The following CNTN1 variants were observed in gnomAD, a reference collection of about 807,000 sequenced individuals.
CNTN1 encodes contactin-1.
In CNTN1, 38 loss-of-function variants were observed where a neutral mutation model predicts 126.4. The ratio of observed to expected loss-of-function variants is 0.30; its 90% CI spans 0.23 to 0.39. The LOEUF is 0.39. Ranked by LOEUF, CNTN1 falls within the 10% of genes least tolerant of loss-of-function variation. CNTN1 has a pLI of 1.00. For missense variants in CNTN1, 1,009 were observed against 1,248.4 expected, an observed-to-expected ratio of 0.81 and a Z score of 2.89; for synonymous variants, 413 against 422.6, an observed-to-expected ratio of 0.98 and a Z score of 0.28.
chr12:41,001,440 TA>T (rs1948357912), intron 17 of CNTN1, among the ~76,000 whole-genome samples: 3 of 152,194 alleles, frequency 2.0e-5, no homozygotes, highest in Admixed American at 1.3e-4. Flanking sequence ...GCCCACTTTT[TA>T]ATGGGGTTGT....
At chr12:40,886,708 A>G (rs562897110) in intron 1 of CNTN1, among the ~76,000 whole-genome samples, 6 of 152,238 alleles carry the variant, frequency 3.9e-5, no homozygotes, top group African/African-American at 1.4e-4. Flanking sequence ...TAGGTCTAAC[A>G]TGTAAGTCTT....
Position 40,767,163 on chromosome 12 carries a change from C to G in CNTN1, c.-77+74571C>G, listed in dbSNP as rs555779263. On this transcript the variant is annotated intron_variant, in intron 1 of 23. Transcript: ENST00000551295. ...GATCAAGGAGAGTATTTAGAAATTT[C>G]AAATTTCCAATTTATTTTACATAGT... Among the ~76,000 whole-genome samples, 9 of 152,048 alleles carry G rather than the reference C, an allele frequency of 5.9e-5. No homozygotes were observed. The East Asian group carries it at 1.7e-3, about 29-fold the overall frequency.
Position 40,939,243 on chromosome 12 carries a change from C to T in CNTN1, c.1229-92C>T, listed in dbSNP as rs35617364. The T allele has an allele frequency of 0.043, 57,376 of 1,339,668 alleles. 1,442 individuals carry two copies. The highest frequency in any genetic ancestry group is 0.096 in the Middle Eastern group (499 of 5,182). 83.0% of individuals were successfully genotyped at this position (1,339,668 alleles called of 1,614,324 possible). A position where few individuals can be genotyped will look rare whatever the true frequency, so the allele number is the denominator to read the frequency against. On this transcript the variant is annotated intron_variant, in intron 11 of 23. Coordinates refer to ENST00000551295, the MANE Select transcript of CNTN1 (RefSeq NM_001843.4). ...TACCGAGATTAATCCTTTCCATTAACTATTAAGGAGAATAAAAGATTCTAC... is the reference window on the plus strand; with the variant it reads ...TACCGAGATTAATCCTTTCCATTAATTATTAAGGAGAATAAAAGATTCTAC...
intron 23 of CNTN1, chr12:41,061,839 TTC>T (rs1566244968): frequency 4.4e-6 from 2 of 455,630 alleles, no homozygotes; most frequent in Middle Eastern, 3.3e-4. Context: ...AGCCCAAATA[TTC>T]TCTGTTGCTA....
rs553905664 is a variant in CNTN1 at position 40,836,108 on chromosome 12, A to T, written c.-76-72249A>T. Among the ~76,000 whole-genome samples, 237 of 147,444 alleles carry T rather than the reference A, an allele frequency of 1.6e-3. 2 individuals carry two copies. The highest frequency in any genetic ancestry group is 4.7e-3 in the African/African-American group (190 of 40,016). On this transcript the variant is annotated intron_variant, in intron 1 of 23. Transcript: ENST00000551295. The stretch of plus-strand genomic sequence containing the variant: ...TATACAGGTATATATATACGTACAT[A>T]TACAGGTATATATATACGTACATAT...
At chr12:40,765,561 T>C (rs568687147) in intron 1 of CNTN1, among the ~76,000 whole-genome samples, 22 of 152,296 alleles carry the variant, frequency 1.4e-4, no homozygotes, top group African/African-American at 5.1e-4. Flanking sequence ...ATAAGTTTGG[T>C]TAACAGAGTC....
At chr12:40,803,046 A>G (rs1940714351) in intron 1 of CNTN1, among the ~76,000 whole-genome samples, 1 of 152,132 alleles carries the variant, frequency 6.6e-6, no homozygotes, top group Admixed American at 6.6e-5. Flanking sequence ...ATTTCCATTG[A>G]AAGCTCTGCT....
intron 1 of CNTN1, among the ~76,000 whole-genome samples, chr12:40,848,421 T>TG (rs1942596065): frequency 6.6e-6 from 1 of 152,196 alleles, no homozygotes; most frequent in Non-Finnish European, 1.5e-5. Context: ...AAAGCTTTAT[T>TG]GACTATGTAA....
intron 1 of CNTN1, among the ~76,000 whole-genome samples, chr12:40,818,872 TTTGTTG>T (rs1239691996): frequency 2.6e-5 from 4 of 152,160 alleles, no homozygotes; most frequent in African/African-American, 9.7e-5. Flanking sequence ...CCTTTTTGTT[TTTGTTG>T]TTGATGCTAT....
In CNTN1 at chr12:40,724,448, A is replaced by G. The variant is rs1433864521; in HGVS notation, c.-77+31856A>G. On this transcript the variant is annotated intron_variant, in intron 1 of 23. Coordinates refer to ENST00000551295, the MANE Select transcript of CNTN1 (RefSeq NM_001843.4). ...AGATCCTGTCTTGACTTCCAACACA[A>G]CTTAATTTCTGTCTGCCACTATCCT... 2.6e-5 allele frequency among the ~76,000 whole-genome samples: 4 copies of G among 152,204 alleles called. No individual in the cohort carries two copies. The East Asian group carries it at 7.7e-4, about 29-fold the overall frequency.
intron 1 of CNTN1, among the ~76,000 whole-genome samples, chr12:40,847,860 G>A (rs1942570153): frequency 6.6e-6 from 1 of 152,200 alleles, no homozygotes; most frequent in African/African-American, 2.4e-5. Context: ...GGTGAGGATG[G>A]TTTTGGGATG....
intron 6 of CNTN1, among the ~76,000 whole-genome samples, chr12:40,929,530 C>T (rs1039234404): frequency 2.0e-5 from 3 of 151,620 alleles, no homozygotes. Context: ...TTCACTTAGC[C>T]CATCAATGAA....
chr12:40,971,479 T>A, intron 15 of CNTN1: 1 of 1,596,692 alleles, frequency 6.3e-7, no homozygotes, highest in Non-Finnish European at 8.5e-7. Context: ...GATTCCTTTC[T>A]CCCCGTCTGT....
At chr12:40,890,726 T>C (rs115638507) in intron 1 of CNTN1, among the ~76,000 whole-genome samples, 248 of 152,326 alleles carry the variant, frequency 1.6e-3, no homozygotes, top group African/African-American at 5.1e-3. Flanking sequence ...GGCCTCGTTG[T>C]ACCACAGGTT....
At position 40,844,069 on chromosome 12, in the gene CNTN1, A is replaced by ATTTTTTTTTTTTTTT. The variant is rs397957366; in HGVS notation, c.-76-64286_-76-64272dup. Among the ~76,000 whole-genome samples, 71 of 84,624 alleles carry ATTTTTTTTTTTTTTT rather than the reference A, an allele frequency of 8.4e-4. 14 individuals are homozygous for ATTTTTTTTTTTTTTT. Among genetic ancestry groups the ATTTTTTTTTTTTTTT allele is most frequent in the African/African-American group, 1.5e-3 (38 of 24,718 alleles). The allele number at this position is 84,624 out of a possible 152,430, so 55.5% of individuals were successfully genotyped here. A position where few individuals can be genotyped will look rare whatever the true frequency, so the allele number is the denominator to read the frequency against. On this transcript the variant is annotated intron_variant, in intron 1 of 23. Coordinates refer to ENST00000551295, the MANE Select transcript of CNTN1 (RefSeq NM_001843.4). ...ATTGAAAAAATTCTTTGGCACAATG[A>ATTTTTTTTTTTTTTT]TTTTTTTTTTTTTTTTGAGACGGAG...
At chr12:40,836,518 G>GA (rs1942066192) in intron 1 of CNTN1, among the ~76,000 whole-genome samples, 1 of 151,790 alleles carries the variant, frequency 6.6e-6, no homozygotes, top group Admixed American at 6.6e-5. Context: ...ACAGTCTATT[G>GA]AAAAAGGGAA....
intron 1 of CNTN1, among the ~76,000 whole-genome samples, chr12:40,748,731 G>A (rs1309213506): frequency 2.6e-5 from 4 of 151,852 alleles, no homozygotes; most frequent in Non-Finnish European, 4.4e-5. Flanking sequence ...TTGCTGTTTT[G>A]TTAAATCTAT....
chr12:41,058,657 A>C (rs1949876763), intron 23 of CNTN1, among the ~76,000 whole-genome samples: 1 of 152,162 alleles, frequency 6.6e-6, no homozygotes, highest in Admixed American at 6.5e-5. Context: ...ACACCATGAA[A>C]CTATGACTAA....
chr12:40,922,610 G>A (rs1945485917), intron 5 of CNTN1, among the ~76,000 whole-genome samples, 182 bp downstream of exon 5: 3 of 152,090 alleles, frequency 2.0e-5, no homozygotes, highest in Admixed American at 2.0e-4. Flanking sequence ...GAATGCACTT[G>A]AAACAGTGAA....
Sources: gnomAD v4.1 joint callset for allele counts (sites outside exome capture counted in the v4.1 genomes callset) on GRCh38, gnomAD v4.1.1 for gene constraint, MANE v1.5 for transcripts, NCBI Gene and HGNC (gene_info 2026-07-23, HGNC 2026-07-21) for gene names.